Variants in DTNB observed in about 807,000 individuals in gnomAD.
The protein encoded by DTNB is dystrobrevin beta.
In DTNB, 63 loss-of-function variants were observed where a neutral mutation model predicts 90.7. The ratio of observed to expected loss-of-function variants is 0.69; its 90% CI spans 0.57 to 0.86. The LOEUF is 0.86. DTNB is among the 40% of genes least tolerant of loss of function. The pLI, the probability that DTNB is intolerant of heterozygous loss-of-function variation, is 0.00. For missense variants in DTNB, 744 were observed against 807.1 expected, an observed-to-expected ratio of 0.92 and a Z score of 0.95; for synonymous variants, 277 against 286.7, an observed-to-expected ratio of 0.97 and a Z score of 0.34.
In DTNB at chr2:25,628,278, G is replaced by A. The variant is rs971101977; in HGVS notation, c.255C>T (p.Ile85=). ...TGTTCAACTGATAGTAGATGGAGGA[G>A]ATGACAGTTTCGAGGCGGGACACAC... ...EISVSRLETV[I]SSIYYQLNKR... is the part of the protein sequence containing the mutation. The change falls in exon 4 of 21, where the codon ATC becomes ATT. Residue 85 remains isoleucine (I), a synonymous_variant. Coordinates refer to ENST00000406818, the MANE Select transcript of DTNB (RefSeq NM_021907.5). 1 of 1,613,556 alleles carries A rather than the reference G, an allele frequency of 6.2e-7. No individual in the cohort carries two copies.
chr2:25,637,986 T>G (rs1334470476), intron 3 of DTNB, among the ~76,000 whole-genome samples: 1 of 152,136 alleles, frequency 6.6e-6, no homozygotes, highest in East Asian at 1.9e-4. Flanking sequence ...TAGACTGGAT[T>G]AAGAAAATGT....
At chr2:25,657,999 G>A (rs968239067) in intron 1 of DTNB, among the ~76,000 whole-genome samples, 11 of 152,052 alleles carry the variant, frequency 7.2e-5, no homozygotes, top group Non-Finnish European at 1.5e-4. Flanking sequence ...GCTCACACCC[G>A]TAATCCCAGC....
At chr2:25,446,077 T>C (rs1388463544) in intron 12 of DTNB, among the ~76,000 whole-genome samples, 2 of 152,194 alleles carry the variant, frequency 1.3e-5, no homozygotes, top group Non-Finnish European at 2.9e-5. Flanking sequence ...TCTTTTAGGA[T>C]GAATCTTACT....
intron 10 of DTNB, among the ~76,000 whole-genome samples, chr2:25,464,753 C>T (rs1256445062): frequency 6.6e-6 from 1 of 152,224 alleles, no homozygotes; most frequent in African/African-American, 2.4e-5. Context: ...GTGAGAAGGG[C>T]ACTTGCCTCT....
chr2:25,422,137 G>A (rs2049919917), intron 15 of DTNB, among the ~76,000 whole-genome samples: 1 of 152,166 alleles, frequency 6.6e-6, no homozygotes, highest in African/African-American at 2.4e-5. Context: ...CTGATGACAA[G>A]GGATAGAGCC....
rs191735878 is a variant in DTNB, at chr2:25,390,088, C to T, written c.1576-1727G>A. On this transcript the variant is annotated intron_variant, in intron 16 of 20. Transcript: ENST00000406818. ...TTCAGAGGCAACCCCTATCAAAATT[C>T]TGCTGTGAAACTTTTAACCTATATG... Among the ~76,000 whole-genome samples, 906 of 152,240 alleles carry T rather than the reference C, an allele frequency of 6.0e-3. 10 individuals carry two copies. The highest frequency in any genetic ancestry group is 0.02 in the Middle Eastern group (6 of 294).
intron 12 of DTNB, among the ~76,000 whole-genome samples, chr2:25,435,616 C>T (rs1005523124): frequency 6.6e-6 from 1 of 152,162 alleles, no homozygotes; most frequent in African/African-American, 2.4e-5. Context: ...CATGGATATA[C>T]CACTATTTGT....
intron 5 of DTNB, 62 bp from the exon 6 acceptor site, chr2:25,596,302 T>C: frequency 1.3e-6 from 2 of 1,491,208 alleles, no homozygotes; most frequent in South Asian, 1.4e-5. Flanking sequence ...TATAAATGGC[T>C]CTATGTCATT....
At chr2:25,635,079 GAAAA>G (rs1277851688) in intron 3 of DTNB, among the ~76,000 whole-genome samples, 1 of 140,208 alleles carries the variant, frequency 7.1e-6, no homozygotes, top group African/African-American at 2.7e-5. Flanking sequence ...AATAAAAAAA[GAAAA>G]AAAAAAAAAG....
At chr2:25,579,613 A>G (rs1032967353) in intron 7 of DTNB, among the ~76,000 whole-genome samples, 7 of 152,146 alleles carry the variant, frequency 4.6e-5, no homozygotes, top group Admixed American at 4.6e-4. Context: ...TCACTAAGAG[A>G]TAAGTACCAT....
At chr2:25,468,018 T>C (rs1481313893) in intron 10 of DTNB, among the ~76,000 whole-genome samples, 1 of 152,080 alleles carries the variant, frequency 6.6e-6, no homozygotes, top group Non-Finnish European at 1.5e-5. Context: ...ATGTGGTGGC[T>C]GGGAAGTGTT....
intron 14 of DTNB, among the ~76,000 whole-genome samples, chr2:25,430,580 T>G (rs1223276778): frequency 6.6e-6 from 1 of 152,122 alleles, no homozygotes; most frequent in East Asian, 1.9e-4. Context: ...ATTAGTATAA[T>G]ATTTCTATTA....
intron 8 of DTNB, chr2:25,576,460 C>T (rs185338669): frequency 6.5e-6 from 1 of 153,670 alleles, no homozygotes; most frequent in African/African-American, 2.4e-5. Flanking sequence ...GATCTCCTGA[C>T]CTCGTGATCC....
chr2:25,615,316 G>A (rs535092811), intron 4 of DTNB, among the ~76,000 whole-genome samples: 1 of 152,078 alleles, frequency 6.6e-6, no homozygotes, highest in Non-Finnish European at 1.5e-5. Context: ...TTTAATAGAG[G>A]CTTCATTACC....
chr2:25,409,928 G>C (rs1044168035), intron 16 of DTNB, among the ~76,000 whole-genome samples: 2 of 152,164 alleles, frequency 1.3e-5, no homozygotes, highest in Non-Finnish European at 2.9e-5. Flanking sequence ...TGACTGCCTG[G>C]CTATGGGACA....
chr2:25,580,883 A>C (rs1432502565), intron 6 of DTNB, 57 bp from the exon 7 acceptor site: 1 of 1,469,334 alleles, frequency 6.8e-7, no homozygotes, highest in African/African-American at 1.4e-5. Context: ...TCCAAACTCC[A>C]AGTTTAATTT....
intron 5 of DTNB, 96 bp from the exon 6 acceptor site, chr2:25,596,336 T>G: frequency 7.6e-7 from 1 of 1,316,142 alleles, no homozygotes; most frequent in Non-Finnish European, 1.0e-6. Flanking sequence ...AAAAGTATCA[T>G]TAAAAAAGTA....
rs74833467 is a variant in DTNB at position 25,520,620 on chromosome 2, T to C, written c.1001+10853A>G. 2.7e-3 allele frequency among the ~76,000 whole-genome samples: 405 copies of C among 152,342 alleles called. 3 individuals carry two copies. The highest frequency in any genetic ancestry group is 8.9e-3 in the African/African-American group (370 of 41,578). ...TCTGCTGATATATTTAAAGTTGTTA[T>C]GAATAAGTAGAAAACAAGCATATTT... On this transcript the variant is annotated intron_variant, in intron 9 of 20. Transcript: ENST00000406818.
At chr2:25,624,979 C>T (rs1186011120) in intron 4 of DTNB, among the ~76,000 whole-genome samples, 1 of 152,124 alleles carries the variant, frequency 6.6e-6, no homozygotes, top group Non-Finnish European at 1.5e-5. Context: ...ATTCAGAACT[C>T]TCAGTATTAA....
Sources: gnomAD v4.1 joint callset for allele counts (sites outside exome capture counted in the v4.1 genomes callset) on GRCh38, gnomAD v4.1.1 for gene constraint, MANE v1.5 for transcripts, NCBI Gene and HGNC (gene_info 2026-07-23, HGNC 2026-07-21) for gene names.